The following CDIN1 variants were observed in gnomAD, a reference collection of about 807,000 sequenced individuals.
The protein encoded by CDIN1 is CDAN1-interacting nuclease 1.
CDIN1 carries 33 observed loss-of-function variants against 45.3 expected under a neutral mutation model. That is an observed-to-expected ratio of 0.73 (90% CI 0.55 to 0.97). The LOEUF (loss-of-function observed/expected upper bound fraction) is 0.97. Ranked by LOEUF, CDIN1 falls within the 50% of genes least tolerant of loss-of-function variation. CDIN1 has a pLI of 0.00. For synonymous variants in CDIN1, 118 were observed against 124.4 expected, an observed-to-expected ratio of 0.95 and a Z score of 0.34; for missense variants, 303 against 339.4, an observed-to-expected ratio of 0.89 and a Z score of 0.84.
chr15:36,743,785 A>G (rs1331778540), intron 10 of CDIN1, among the ~76,000 whole-genome samples: 1 of 151,834 alleles, frequency 6.6e-6, no homozygotes, highest in Non-Finnish European at 1.5e-5. Flanking sequence ...GCTACTTGGG[A>G]GGCTGAGGTG....
chr15:36,623,523 C>A (rs1239523649), intron 1 of CDIN1, among the ~76,000 whole-genome samples: 2 of 152,166 alleles, frequency 1.3e-5, no homozygotes, highest in East Asian at 3.9e-4. Context: ...GCTTTGTGTG[C>A]AGGCTCCATT....
At chr15:36,651,992 A>G (rs1017682040) in intron 3 of CDIN1, among the ~76,000 whole-genome samples, 8 of 152,218 alleles carry the variant, frequency 5.3e-5, no homozygotes, top group Non-Finnish European at 4.4e-5. Flanking sequence ...GACTTAAAGC[A>G]ACAGATCTCT....
chr15:36,626,438 T>C (rs1264729840), intron 1 of CDIN1, among the ~76,000 whole-genome samples: 1 of 152,086 alleles, frequency 6.6e-6, no homozygotes. Flanking sequence ...TACCTAAGTT[T>C]CAAAAGCCAG....
chr15:36,776,667 A>G (rs2054226071), intron 10 of CDIN1, among the ~76,000 whole-genome samples: 1 of 152,244 alleles, frequency 6.6e-6, no homozygotes, highest in Non-Finnish European at 1.5e-5. Flanking sequence ...TGACATTTAT[A>G]GGATCCTGGC....
intron 10 of CDIN1, among the ~76,000 whole-genome samples, chr15:36,729,932 G>A (rs2043779093): frequency 6.6e-6 from 1 of 152,124 alleles, no homozygotes; most frequent in African/African-American, 2.4e-5. Flanking sequence ...GATTTGTTCT[G>A]TCAAGTTATT....
intron 8 of CDIN1, 83 bp from the exon 9 acceptor site, chr15:36,709,140 A>ATTT (rs2042967371): frequency 1.7e-6 from 2 of 1,160,938 alleles, no homozygotes; most frequent in Admixed American, 5.4e-5. Context: ...ATTTTTATAC[A>ATTT]TATTTAAGAA....
intron 5 of CDIN1, among the ~76,000 whole-genome samples, chr15:36,678,567 TCA>T (rs1464792051): frequency 2.0e-5 from 3 of 152,178 alleles, no homozygotes; most frequent in Non-Finnish European, 4.4e-5. Flanking sequence ...AACTAGGCTC[TCA>T]CAACACAGCT....
chr15:36,791,977 TTAA>T (rs1190072197), intron 10 of CDIN1, among the ~76,000 whole-genome samples: 1 of 152,210 alleles, frequency 6.6e-6, no homozygotes, highest in African/African-American at 2.4e-5. Context: ...TAAACACATA[TTAA>T]TCAGCTAATG....
intron 10 of CDIN1, among the ~76,000 whole-genome samples, chr15:36,716,310 A>G (rs2043213252): frequency 6.6e-6 from 1 of 152,146 alleles, no homozygotes; most frequent in South Asian, 2.1e-4. Flanking sequence ...GAAATCTTAC[A>G]CCAAACCAAA....
intron 10 of CDIN1, among the ~76,000 whole-genome samples, chr15:36,757,275 T>C (rs1222141434): frequency 6.6e-6 from 1 of 152,198 alleles, no homozygotes; most frequent in Non-Finnish European, 1.5e-5. Flanking sequence ...TGAGTTGCAG[T>C]TGCTAGCCTG....
chr15:36,794,049 G>T (rs1169429727), intron 10 of CDIN1, among the ~76,000 whole-genome samples: 1 of 135,882 alleles, frequency 7.4e-6, no homozygotes. Flanking sequence ...TATTAAATAT[G>T]CCATCATAAC....
chr15:36,791,866 A>G (rs1340458089), intron 10 of CDIN1, among the ~76,000 whole-genome samples: 9 of 152,206 alleles, frequency 5.9e-5, no homozygotes, highest in Admixed American at 5.9e-4. Flanking sequence ...CAATAACTTC[A>G]CACAAAGTAG....
At chr15:36,791,651 C>G (rs1217251150) in intron 10 of CDIN1, among the ~76,000 whole-genome samples, 1 of 151,958 alleles carries the variant, frequency 6.6e-6, no homozygotes. Flanking sequence ...TATTTAGTAT[C>G]TAGTATTGAA....
At chr15:36,621,189 C>T (rs147244101) in intron 1 of CDIN1, among the ~76,000 whole-genome samples, 3 of 152,154 alleles carry the variant, frequency 2.0e-5, no homozygotes, top group East Asian at 1.9e-4. Context: ...TGTACAATTA[C>T]GTGTAAATTG....
chr15:36,696,065 A>T (rs1294112504), intron 7 of CDIN1, among the ~76,000 whole-genome samples: 1 of 152,152 alleles, frequency 6.6e-6, no homozygotes, highest in African/African-American at 2.4e-5. Context: ...GCCACTCATT[A>T]ACTGTATGCC....
At chr15:36,654,788 C>T (rs1332300461) in intron 4 of CDIN1, among the ~76,000 whole-genome samples, 7 of 152,056 alleles carry the variant, frequency 4.6e-5, no homozygotes. Flanking sequence ...CTACAGATTT[C>T]CCATGAATGA....
chr15:36,693,129 G>A (rs2042310644), intron 7 of CDIN1, among the ~76,000 whole-genome samples: 1 of 152,124 alleles, frequency 6.6e-6, no homozygotes, highest in Admixed American at 6.6e-5. Context: ...GTACATGTAT[G>A]TGTTTATATT....
intron 4 of CDIN1, among the ~76,000 whole-genome samples, chr15:36,656,506 A>C (rs2040788862): frequency 6.6e-6 from 1 of 152,160 alleles, no homozygotes. Context: ...TCTCCACACA[A>C]ATATTTTCAA....
intron 3 of CDIN1, among the ~76,000 whole-genome samples, chr15:36,650,330 G>A (rs1362099360): frequency 2.0e-5 from 3 of 152,160 alleles, no homozygotes; most frequent in South Asian, 2.1e-4. Context: ...GTAAACTCTC[G>A]AGCTGTGTCT....
Sources: allele counts gnomAD v4.1 joint callset (sites outside exome capture counted in the v4.1 genomes callset), GRCh38; gene constraint gnomAD v4.1.1; transcripts MANE v1.5; gene names NCBI Gene and HGNC (gene_info 2026-07-23, HGNC 2026-07-21).